CSGALNACT1: variants seen among roughly 807,000 people sequenced by gnomAD.
The protein encoded by CSGALNACT1 is beta4GalNAcT-1.
A neutral mutation model predicts 51.0 loss-of-function variants in CSGALNACT1; 52 were observed. The observed-to-expected ratio is 1.02, with a 90% CI of 0.82 to 1.29. CSGALNACT1 has a LOEUF of 1.29. CSGALNACT1 is among the 50% of genes most tolerant of loss of function. The probability of loss-of-function intolerance (pLI) is 0.00; values close to 1 mark genes in which losing one functional copy is unlikely to be tolerated. For synonymous variants in CSGALNACT1, 341 were observed against 254.4 expected, an observed-to-expected ratio of 1.34 and a Z score of -3.24; for missense variants, 935 against 679.2, an observed-to-expected ratio of 1.38 and a Z score of -4.19.
intron 1 of CSGALNACT1, among the ~76,000 whole-genome samples, chr8:19,646,739 TCTC>T (rs1326298883): frequency 6.6e-6 from 1 of 151,980 alleles, no homozygotes; most frequent in African/African-American, 2.4e-5. Context: ...TAAATATCCA[TCTC>T]CTATTACAGT....
chr8:19,666,883 AAGAG>A (rs372924056), intron 1 of CSGALNACT1, among the ~76,000 whole-genome samples: 1 of 97,302 alleles, frequency 1.0e-5, no homozygotes, highest in Non-Finnish European at 2.1e-5. Flanking sequence ...GAAAGAAAGA[AAGAG>A]AGAGAGGAAG....
intron 1 of CSGALNACT1, among the ~76,000 whole-genome samples, chr8:19,611,284 A>G (rs186452724): frequency 6.6e-6 from 1 of 152,322 alleles, no homozygotes; most frequent in African/African-American, 2.4e-5. Flanking sequence ...CATCTCCTCC[A>G]AAATATATAA....
intron 3 of CSGALNACT1, among the ~76,000 whole-genome samples, chr8:19,542,248 T>G (rs2085381275): frequency 7.4e-6 from 1 of 135,942 alleles, no homozygotes; most frequent in African/African-American, 3.0e-5. Context: ...GGGTTATTAT[T>G]CACTGAAGCC....
intron 1 of CSGALNACT1, among the ~76,000 whole-genome samples, chr8:19,720,521 C>A (rs905953818): frequency 2.6e-5 from 4 of 152,272 alleles, no homozygotes; most frequent in Admixed American, 2.0e-4. Context: ...ACTGTTCAAT[C>A]CAAGAGAATC....
chr8:19,682,750 C>A (rs1030527251), upstream of CSGALNACT1: 5 of 453,962 alleles, frequency 1.1e-5, no homozygotes, highest in African/African-American at 1.0e-4. Flanking sequence ...CTGCGGATCC[C>A]AGAACAAGCC....
At chr8:19,555,124 C>G (rs2089395558) in intron 3 of CSGALNACT1, among the ~76,000 whole-genome samples, 1 of 150,654 alleles carries the variant, frequency 6.6e-6, no homozygotes, top group Non-Finnish European at 1.5e-5. Context: ...CTGTAGTTCC[C>G]ACTAGTCAGG....
At chr8:19,470,628 T>C (rs2067918331) in intron 4 of CSGALNACT1, among the ~76,000 whole-genome samples, 2 of 152,076 alleles carry the variant, frequency 1.3e-5, no homozygotes, top group Admixed American at 1.3e-4. Context: ...AGGAGAGGGC[T>C]CTACCCTAGA....
At chr8:19,753,417 G>A (rs1188704580) in intron 1 of CSGALNACT1, among the ~76,000 whole-genome samples, 2 of 152,140 alleles carry the variant, frequency 1.3e-5, no homozygotes, top group Non-Finnish European at 2.9e-5. Flanking sequence ...TTGGATGTCT[G>A]ATAATTTTCC....
At chr8:19,484,299 A>C (rs995423511) in intron 4 of CSGALNACT1, among the ~76,000 whole-genome samples, 2 of 152,190 alleles carry the variant, frequency 1.3e-5, no homozygotes, top group Non-Finnish European at 2.9e-5. Context: ...AGTTGCTAAG[A>C]TCTATGAGAA....
At chr8:19,556,359 A>T (rs532983765) in intron 3 of CSGALNACT1, among the ~76,000 whole-genome samples, 61 of 150,548 alleles carry the variant, frequency 4.1e-4, no homozygotes, top group Middle Eastern at 3.4e-3. Context: ...CCTAGGCAAC[A>T]AGAGTGAAAC....
At chr8:19,520,841 C>T (rs750062609) in intron 3 of CSGALNACT1, among the ~76,000 whole-genome samples, 8 of 152,162 alleles carry the variant, frequency 5.3e-5, no homozygotes, top group Non-Finnish European at 8.8e-5. Flanking sequence ...CAGACAAGGA[C>T]GTTGAGACAG....
chr8:19,749,560 T>A (rs187723835), intron 1 of CSGALNACT1, among the ~76,000 whole-genome samples: 2 of 152,222 alleles, frequency 1.3e-5, no homozygotes, highest in East Asian at 3.9e-4. Flanking sequence ...TCTACCCTGG[T>A]CACCAAACAA....
chr8:19,688,892 A>C (rs898536834), intron 1 of CSGALNACT1: 2 of 152,166 alleles, frequency 1.3e-5, no homozygotes, highest in African/African-American at 2.4e-5. Context: ...ACTGCTCAGG[A>C]CTCGCCTAAC....
In CSGALNACT1 at chr8:19,689,658, T is replaced by G. The variant is rs1012376768; in HGVS notation, c.-297+68192A>C. 2.0e-5 allele frequency among the ~76,000 whole-genome samples: 3 copies of G among 152,254 alleles called. No homozygotes were observed. The East Asian group carries it at 5.8e-4, about 29-fold the overall frequency. ...TTTATAGGAGGCCATTGATTTAGAC[T>G]GAGCTCCTGCTCTAGGCTTCAACAG... On this transcript the variant is annotated intron_variant, in intron 1 of 1. Coordinates refer to the CSGALNACT1 transcript ENST00000517494.
chr8:19,524,469 T>C (rs2081294702), intron 3 of CSGALNACT1, among the ~76,000 whole-genome samples: 1 of 152,222 alleles, frequency 6.6e-6, no homozygotes, highest in Admixed American at 6.5e-5. Flanking sequence ...TCTGTTTCTT[T>C]TAGCTTTCAA....
chr8:19,701,769 G>A (rs1437209655), intron 1 of CSGALNACT1, among the ~76,000 whole-genome samples: 1 of 152,324 alleles, frequency 6.6e-6, no homozygotes, highest in Admixed American at 6.5e-5. Flanking sequence ...ATTTACCCAA[G>A]ATCTTGTGGC....
At chr8:19,733,552 C>G (rs1301957064) in intron 1 of CSGALNACT1, among the ~76,000 whole-genome samples, 1 of 152,174 alleles carries the variant, frequency 6.6e-6, no homozygotes, top group Non-Finnish European at 1.5e-5. Flanking sequence ...TGGATTATCG[C>G]TCACCTCCTC....
intron 5 of CSGALNACT1, among the ~76,000 whole-genome samples, chr8:19,455,386 T>C (rs1024382317): frequency 2.6e-5 from 4 of 152,216 alleles, no homozygotes; most frequent in African/African-American, 7.2e-5. Flanking sequence ...AGTCTGGGGA[T>C]GGAAAGGAAT....
chr8:19,711,838 G>A (rs2062523171), intron 1 of CSGALNACT1, among the ~76,000 whole-genome samples: 1 of 152,154 alleles, frequency 6.6e-6, no homozygotes. Flanking sequence ...TAAACGAACA[G>A]TGTGTGGCAC....
Sources: gnomAD v4.1 joint callset for allele counts (sites outside exome capture counted in the v4.1 genomes callset) on GRCh38, gnomAD v4.1.1 for gene constraint, MANE v1.5 for transcripts, NCBI Gene and HGNC (gene_info 2026-07-23, HGNC 2026-07-21) for gene names.